BCAS3: variants seen among roughly 807,000 people sequenced by gnomAD.
The protein encoded by BCAS3 is BCAS4/BCAS3 fusion.
A neutral mutation model predicts 116.1 loss-of-function variants in BCAS3; 53 were observed. That is an observed-to-expected ratio of 0.46 (90% confidence interval 0.37 to 0.57). BCAS3 has a LOEUF of 0.57. BCAS3 is among the 20% of genes least tolerant of loss of function. The pLI is 0.00. For synonymous variants in BCAS3, 391 were observed against 408.2 expected (o/e 0.96, Z 0.51); for missense variants, 917 against 1,165.4 (o/e 0.79, Z 3.10).
In BCAS3 at chr17:61,385,586, G is replaced by T. The variant is rs192221462; in HGVS notation, c.2594-6391G>T. Among the ~76,000 whole-genome samples the T allele has an allele frequency of 2.9e-3, 435 of 152,346 alleles. 2 individuals carry two copies. The highest frequency in any genetic ancestry group is 0.01 in the African/African-American group (420 of 41,576). ...CCATTCAGGAACCCCCAGGCAGAAG[G>T]TACTGAAGCTGTTGGTTGCAAACCT... is the stretch of plus-strand genomic sequence containing the variant. On this transcript the variant is annotated intron_variant, in intron 23 of 23. Transcript: ENST00000407086.
rs1461738820 is a variant in BCAS3, at chr17:61,008,708, AAT to A, written c.1487-7041_1487-7040del. On this transcript the variant is annotated intron_variant, in intron 15 of 23. Transcript: ENST00000407086. This position sits in a 1 kb window ranked among gnomAD's most constrained non-coding sequence, Gnocchi z 4.6. The stretch of plus-strand genomic sequence containing the variant: ...TTTACCAAAAAATAAAAAATAAAAA[AAT>A]AAAAAAAAAGGCCCCGTAGAACTCA... Among the ~76,000 whole-genome samples the A allele has an allele frequency of 6.6e-6, 1 of 151,674 alleles. No homozygotes were observed. The highest frequency in any genetic ancestry group is 1.9e-4 in the East Asian group (1 of 5,196).
At chr17:60,849,550 A>C (rs1220531198) in intron 7 of BCAS3, among the ~76,000 whole-genome samples, 1 of 152,084 alleles carries the variant, frequency 6.6e-6, no homozygotes, top group Non-Finnish European at 1.5e-5. Context: ...TTCTCCCACA[A>C]TTAAAAAAAG....
Position 61,365,396 on chromosome 17 carries a change from C to T in BCAS3, c.2426-2931C>T, listed in dbSNP as rs1463634494. Among the ~76,000 whole-genome samples the T allele has an allele frequency of 6.6e-6, 1 of 152,144 alleles. No individual in the cohort carries two copies. Among genetic ancestry groups the T allele is most frequent in the Non-Finnish European group, 1.5e-5 (1 of 68,032 alleles). On this transcript the variant is annotated intron_variant, in intron 22 of 23. Coordinates refer to ENST00000407086, the MANE Select transcript of BCAS3 (RefSeq NM_017679.5). This position sits in a 1 kb window ranked among gnomAD's most constrained non-coding sequence, Gnocchi z 4.6. ...TCACCCAGGCTGGAGTGCAGTGGCT[C>T]AATCTCGGCTCACTGCAACCTCTGC...
In BCAS3 at chr17:60,723,797, C is replaced by A. The variant is rs1473748733; in HGVS notation, c.321+14472C>A. Among the ~76,000 whole-genome samples the A allele has an allele frequency of 1.1e-4, 15 of 140,970 alleles. No individual in the cohort carries two copies. The East Asian group carries it at 3.2e-3, about 30-fold the overall frequency. The allele number at this position is 140,970 out of a possible 152,430, so 92.5% of individuals were successfully genotyped here. A position where few individuals can be genotyped will look rare whatever the true frequency, so the allele number is the denominator to read the frequency against. The stretch of plus-strand genomic sequence containing the variant: ...GCAGTGGTGCGATCTCGGCTCATTG[C>A]AACCTCTGCCTCCCAGGTTCAAGTG... On this transcript the variant is annotated intron_variant, in intron 5 of 23. Transcript: ENST00000407086.
intron 19 of BCAS3, among the ~76,000 whole-genome samples, chr17:61,061,086 A>G (rs1224615012): frequency 6.6e-6 from 1 of 152,248 alleles, no homozygotes; most frequent in Non-Finnish European, 1.5e-5. Context: ...GAGTTAAAAT[A>G]TGGAAAACAT....
intron 9 of BCAS3, among the ~76,000 whole-genome samples, chr17:60,882,114 C>G (rs1015846003): frequency 1.3e-5 from 2 of 150,782 alleles, no homozygotes; most frequent in African/African-American, 4.9e-5. Context: ...TGTTTCCTGA[C>G]TTTTTAATGA....
chr17:61,341,758 T>A (rs1411674058), intron 22 of BCAS3, among the ~76,000 whole-genome samples: 1 of 152,134 alleles, frequency 6.6e-6, no homozygotes, highest in Non-Finnish European at 1.5e-5. Context: ...CCCCCAAAGA[T>A]GGGTTCAGGG....
intron 16 of BCAS3, among the ~76,000 whole-genome samples, chr17:61,025,372 G>A (rs141791271): frequency 7.1e-4 from 108 of 152,032 alleles, no homozygotes; most frequent in African/African-American, 2.2e-3. Context: ...GGAGCTTATC[G>A]GAAATACAGA....
intron 14 of BCAS3, among the ~76,000 whole-genome samples, chr17:60,976,146 C>A (rs566520118): frequency 6.7e-6 from 1 of 149,864 alleles, no homozygotes; most frequent in East Asian, 2.0e-4. Context: ...GCCTCAGCCT[C>A]CTGAGTAACT....
intron 14 of BCAS3, among the ~76,000 whole-genome samples, chr17:60,975,349 G>A (rs2062266796): frequency 6.6e-6 from 1 of 152,198 alleles, no homozygotes; most frequent in African/African-American, 2.4e-5. Context: ...AGCCACGATA[G>A]GCACAGATAA....
At chr17:61,086,006 A>G (rs1304530398) in intron 22 of BCAS3, among the ~76,000 whole-genome samples, 1 of 152,232 alleles carries the variant, frequency 6.6e-6, no homozygotes, top group Non-Finnish European at 1.5e-5. Context: ...CTAGGAACAC[A>G]TGCTGCCAAA....
In BCAS3 at chr17:61,387,990, C is replaced by T. The variant is rs908569068; in HGVS notation, c.2594-3987C>T. Among the ~76,000 whole-genome samples the T allele has an allele frequency of 2.6e-5, 4 of 152,170 alleles. No homozygotes were observed. Among genetic ancestry groups the T allele is most frequent in the African/African-American group, 9.7e-5 (4 of 41,434 alleles). The stretch of plus-strand genomic sequence containing the variant: ...GAGAACAAGCTCTTTTAAAGCTTCT[C>T]CCACTGACCAGAATCTCCACACCTC... On this transcript the variant is annotated intron_variant, in intron 23 of 23. Coordinates refer to ENST00000407086, the MANE Select transcript of BCAS3 (RefSeq NM_017679.5). The surrounding 1 kb of genome is among the most constrained non-coding windows in gnomAD (Gnocchi z 6.2).
intron 7 of BCAS3, among the ~76,000 whole-genome samples, chr17:60,828,833 G>A (rs1025160053): frequency 7.9e-5 from 12 of 152,014 alleles, no homozygotes; most frequent in African/African-American, 1.7e-4. Context: ...CCAGGACATC[G>A]TTTCTTAACT....
At chr17:60,923,593 G>T (rs982996200) in intron 12 of BCAS3, among the ~76,000 whole-genome samples, 1 of 152,038 alleles carries the variant, frequency 6.6e-6, no homozygotes, top group Non-Finnish European at 1.5e-5. Context: ...AACTTCCAAG[G>T]CTACTTAAAA....
At position 61,391,713 on chromosome 17, in the gene BCAS3, C is replaced by G. The variant is rs2060139309; in HGVS notation, c.2594-264C>G. ...CACACACATCGTCAGGGTGGCCGTGCTTCGGGCCTAAAGGGCTTCCCGCAG... is the reference window on the plus strand; with the variant it reads ...CACACACATCGTCAGGGTGGCCGTGGTTCGGGCCTAAAGGGCTTCCCGCAG... On this transcript the variant is annotated intron_variant, in intron 23 of 23. Coordinates refer to ENST00000407086, the MANE Select transcript of BCAS3 (RefSeq NM_017679.5). This position sits in a 1 kb window ranked among gnomAD's most constrained non-coding sequence, Gnocchi z 7.7. The G allele has an allele frequency of 6.2e-6, 3 of 481,414 alleles. No homozygotes were observed. Among genetic ancestry groups the G allele is most frequent in the Non-Finnish European group, 1.1e-5 (3 of 266,922 alleles). The allele number at this position is 481,414 out of a possible 1,614,324, so 29.8% of individuals were successfully genotyped here. A position where few individuals can be genotyped will look rare whatever the true frequency, so the allele number is the denominator to read the frequency against.
At chr17:60,832,966 C>T (rs969972028) in intron 7 of BCAS3, among the ~76,000 whole-genome samples, 2 of 152,210 alleles carry the variant, frequency 1.3e-5, no homozygotes, top group African/African-American at 4.8e-5. Context: ...TTTTCAACTT[C>T]TGCCTTTAAA....
intron 22 of BCAS3, among the ~76,000 whole-genome samples, chr17:61,207,361 CTTCA>C (rs1454935185): frequency 6.6e-6 from 1 of 152,012 alleles, no homozygotes; most frequent in Non-Finnish European, 1.5e-5. Flanking sequence ...TTCATTTAAT[CTTCA>C]TTATAACTTT....
chr17:61,374,794 A>G (rs1404596549), intron 23 of BCAS3, among the ~76,000 whole-genome samples: 1 of 152,220 alleles, frequency 6.6e-6, no homozygotes, highest in Non-Finnish European at 1.5e-5. Flanking sequence ...AGTGCATTCT[A>G]GTACTTCCTT....
intron 12 of BCAS3, among the ~76,000 whole-genome samples, chr17:60,920,658 C>T (rs538244863): frequency 1.3e-5 from 2 of 152,144 alleles, no homozygotes; most frequent in African/African-American, 2.4e-5. Flanking sequence ...ATCACGAGGT[C>T]GGGAGATCAA....
Sources: gnomAD v4.1 joint callset for allele counts (sites outside exome capture counted in the v4.1 genomes callset) on GRCh38, gnomAD v4.1.1 for gene constraint, Gnocchi (gnomAD v3.1) non-coding constraint, MANE v1.5 for transcripts, NCBI Gene and HGNC (gene_info 2026-07-23, HGNC 2026-07-21) for gene names.